TSGA10: variants seen among roughly 807,000 people sequenced by gnomAD.
The protein encoded by TSGA10 is testis specific 10, also known as testis-specific gene 10 protein.
TSGA10 carries 43 observed loss-of-function variants against 96.6 expected under a neutral mutation model. The ratio of observed to expected loss-of-function variants is 0.44; its 90% CI spans 0.35 to 0.57. TSGA10 has a LOEUF of 0.57. TSGA10 is among the 20% of genes least tolerant of loss of function. The pLI is 0.01. For missense variants in TSGA10, 703 were observed against 834.4 expected, an observed-to-expected ratio of 0.84 and a Z score of 1.94; for synonymous variants, 229 against 269.9, an observed-to-expected ratio of 0.85 and a Z score of 1.48.
At chr2:99,140,765 C>A (rs1308745228) in intron 1 of TSGA10, among the ~76,000 whole-genome samples, 2 of 152,140 alleles carry the variant, frequency 1.3e-5, no homozygotes, top group Non-Finnish European at 2.9e-5. Context: ...TCGGCTCCAC[C>A]AGAGCTTCCA....
At chr2:99,147,423 TA>T in intron 1 of TSGA10, 1 of 1,602,582 alleles carries the variant, frequency 6.2e-7, no homozygotes, top group Non-Finnish European at 8.5e-7. Context: ...AATGGCAACC[TA>T]AATGCCAGTC....
intron 2 of TSGA10, among the ~76,000 whole-genome samples, chr2:99,123,282 G>T (rs2092673347): frequency 6.6e-6 from 1 of 151,906 alleles, no homozygotes; most frequent in African/African-American, 2.4e-5. Context: ...TCAAATTTGT[G>T]GGAAATTCAG....
At chr2:99,056,610 C>G (rs577970726) in intron 16 of TSGA10, among the ~76,000 whole-genome samples, 1 of 152,032 alleles carries the variant, frequency 6.6e-6, no homozygotes, top group East Asian at 1.9e-4. Flanking sequence ...TAAAACTTCT[C>G]TACCAGATGG....
At chr2:99,099,758 TAGAG>T (rs1274892130) in intron 10 of TSGA10, among the ~76,000 whole-genome samples, 38 of 152,244 alleles carry the variant, frequency 2.5e-4, no homozygotes, top group African/African-American at 8.9e-4. Flanking sequence ...GTATAAGAAT[TAGAG>T]AGGCAGGAAA....
chr2:99,110,237 G>A (rs1007533353), intron 5 of TSGA10, among the ~76,000 whole-genome samples: 2 of 152,204 alleles, frequency 1.3e-5, no homozygotes, highest in African/African-American at 4.8e-5. Flanking sequence ...ATTGTTCAAT[G>A]CGTGAATAAA....
rs930771462 is a variant in TSGA10, at chr2:99,061,403, G to A, written c.1404+3536C>T. 3.9e-5 allele frequency among the ~76,000 whole-genome samples: 6 copies of A among 152,130 alleles called. No homozygotes were observed. In the South Asian group the frequency reaches 6.2e-4, roughly 16 times the overall value. On this transcript the variant is annotated intron_variant, in intron 16 of 20. Transcript: ENST00000393483. ...AGAGCAACTATCACACAGTGCAAGC[G>A]GGAGTGTAAACTGATATAACCACTT...
intron 12 of TSGA10, among the ~76,000 whole-genome samples, chr2:99,074,116 G>A (rs1402534203): frequency 1.4e-5 from 2 of 147,058 alleles, no homozygotes; most frequent in East Asian, 2.0e-4. Flanking sequence ...AGGTTCAAGC[G>A]ATTCTCCTGC....
intron 10 of TSGA10, among the ~76,000 whole-genome samples, chr2:99,093,439 C>T (rs1248751068): frequency 2.6e-5 from 4 of 152,052 alleles, no homozygotes; most frequent in African/African-American, 9.7e-5. Flanking sequence ...GCATCCAAAT[C>T]AGCAAAGAGG....
At chr2:99,041,875 G>A (rs1456093155) in intron 16 of TSGA10, among the ~76,000 whole-genome samples, 1 of 152,052 alleles carries the variant, frequency 6.6e-6, no homozygotes, top group Non-Finnish European at 1.5e-5. Context: ...AATCATCAGA[G>A]TAAACAGACA....
intron 12 of TSGA10, among the ~76,000 whole-genome samples, chr2:99,077,655 G>T (rs995952600): frequency 2.0e-5 from 3 of 152,008 alleles, no homozygotes; most frequent in African/African-American, 7.2e-5. Flanking sequence ...TCCGCCTCCG[G>T]GGTTCAAGCG....
chr2:99,092,344 A>G (rs988027910), intron 10 of TSGA10, among the ~76,000 whole-genome samples: 2 of 152,088 alleles, frequency 1.3e-5, no homozygotes, highest in Admixed American at 6.6e-5. Flanking sequence ...AAAGAGCACA[A>G]ACAGACAATC....
At chr2:99,101,506 G>T (rs1341201847) in intron 10 of TSGA10, among the ~76,000 whole-genome samples, 1 of 151,800 alleles carries the variant, frequency 6.6e-6, no homozygotes, top group East Asian at 1.9e-4. Context: ...CAGTAGGCTA[G>T]ATGAAGTAGA....
intron 20 of TSGA10, among the ~76,000 whole-genome samples, chr2:99,007,305 AAAG>A (rs1337794441): frequency 2.0e-5 from 3 of 152,216 alleles, no homozygotes; most frequent in African/African-American, 7.2e-5. Flanking sequence ...AAATAATAAA[AAAG>A]AGTGTAAATT....
chr2:99,054,509 G>C (rs1201573730), intron 16 of TSGA10, among the ~76,000 whole-genome samples: 1 of 152,116 alleles, frequency 6.6e-6, no homozygotes, highest in Non-Finnish European at 1.5e-5. Flanking sequence ...AGAGAAAATA[G>C]AGAAATGGGG....
At position 99,073,184 on chromosome 2, in the gene TSGA10, T is replaced by C. The variant is rs554182689; in HGVS notation, c.883-111A>G. 1.7e-4 allele frequency: 111 copies of C among 669,780 alleles called. 1 individual carries two copies. The highest frequency in any genetic ancestry group is 1.4e-3 in the South Asian group (70 of 49,788). The allele number at this position is 669,780 out of a possible 1,614,324, so 41.5% of individuals were successfully genotyped here. On this transcript the variant is annotated intron_variant, in intron 12 of 20. Coordinates refer to ENST00000393483, the MANE Select transcript of TSGA10 (RefSeq NM_025244.4). ...TTCCCTTTAGGTTTCCATTTGGTTT[T>C]AAAAACATGTATGTCCTATTCTTTT...
intron 2 of TSGA10, among the ~76,000 whole-genome samples, chr2:99,122,948 G>A (rs2092654958): frequency 6.6e-6 from 1 of 152,106 alleles, no homozygotes; most frequent in Non-Finnish European, 1.5e-5. Flanking sequence ...TAGCTCTGCT[G>A]GCACAAATTA....
chr2:99,140,945 C>G (rs1447527892), intron 1 of TSGA10: 2 of 500,194 alleles, frequency 4.0e-6, no homozygotes, highest in Non-Finnish European at 5.9e-6. Flanking sequence ...CCCTCACAGC[C>G]GCTCCCGCTG....
chr2:99,126,988 T>C (rs1257380083), intron 2 of TSGA10, 60 bp downstream of exon 2: 4 of 1,263,558 alleles, frequency 3.2e-6, no homozygotes, highest in Non-Finnish European at 4.1e-6. Context: ...TATCTTCTTG[T>C]TTCAAAATAG....
intron 10 of TSGA10, among the ~76,000 whole-genome samples, chr2:99,094,714 C>G (rs191641257): frequency 2.0e-5 from 3 of 152,180 alleles, no homozygotes; most frequent in Non-Finnish European, 4.4e-5. Flanking sequence ...CCACCTTACT[C>G]CTGCAAGAAT....
Sources: gnomAD v4.1 joint callset for allele counts (sites outside exome capture counted in the v4.1 genomes callset) on GRCh38, gnomAD v4.1.1 for gene constraint, MANE v1.5 for transcripts, NCBI Gene and HGNC (gene_info 2026-07-23, HGNC 2026-07-21) for gene names.